The following FBXW4 variants were observed in gnomAD, a reference collection of about 807,000 sequenced individuals.
FBXW4 encodes F-box and WD repeat domain containing 4.
Under a neutral mutation model 61.8 loss-of-function variants are expected in FBXW4, and 40 were observed. The observed-to-expected ratio is 0.65, with a 90% CI of 0.50 to 0.84. The LOEUF is 0.84. Among genes scored for constraint, FBXW4 ranks in the 40% least tolerant of loss-of-function variants. The pLI, the probability that FBXW4 is intolerant of heterozygous loss-of-function variation, is 0.00. For missense variants in FBXW4, 672 were observed against 753.8 expected (o/e 0.89, Z 1.27); for synonymous variants, 311 against 313.8 (o/e 0.99, Z 0.10).
At chr10:101,691,255 T>G (rs1189768104) in intron 1 of FBXW4, among the ~76,000 whole-genome samples, 1 of 152,148 alleles carries the variant, frequency 6.6e-6, no homozygotes, top group Non-Finnish European at 1.5e-5. Flanking sequence ...CTGGGGTGCA[T>G]GCCTTCTCCC....
rs181901612 is a variant in FBXW4, at chr10:101,686,438, C to G, written c.725+7943G>C. On this transcript the variant is annotated intron_variant, in intron 1 of 8. Transcript: ENST00000331272. ...TCCCACAATACAACTTTTGGAAAGG[C>G]TGATCTAGTACTTTCTAAAAATGAA... Among the ~76,000 whole-genome samples the G allele has an allele frequency of 3.9e-5, 6 of 152,196 alleles. No individual in the cohort carries two copies. In the East Asian group the frequency reaches 7.7e-4, roughly 20 times the overall value.
intron 2 of FBXW4, 102 bp from the exon 3 acceptor site, chr10:101,673,775 A>T: frequency 9.1e-7 from 1 of 1,103,664 alleles, no homozygotes; most frequent in South Asian, 1.5e-5. Context: ...TAGTAAGGAT[A>T]ACCAACAAGG....
chr10:101,678,421 T>C (rs1178566858), intron 1 of FBXW4, among the ~76,000 whole-genome samples: 1 of 152,128 alleles, frequency 6.6e-6, no homozygotes, highest in Non-Finnish European at 1.5e-5. Context: ...TACACTAATT[T>C]CTTTTTTGTT....
At chr10:101,671,002 A>T (rs756376007) in intron 4 of FBXW4, among the ~76,000 whole-genome samples, 1 of 152,260 alleles carries the variant, frequency 6.6e-6, no homozygotes. Flanking sequence ...CCCCAAAAAT[A>T]GATGGTTACA....
chr10:101,630,382 G>A (rs1331653322), intron 5 of FBXW4, among the ~76,000 whole-genome samples: 1 of 152,198 alleles, frequency 6.6e-6, no homozygotes, highest in Non-Finnish European at 1.5e-5. Flanking sequence ...AAAGGTCACA[G>A]GCCTCATTGG....
Position 101,694,781 on chromosome 10 carries a change from C to T in FBXW4, c.325G>A (p.Gly109Arg). The T allele has an allele frequency of 1.5e-6, 2 of 1,344,684 alleles. No homozygotes were observed. The highest frequency in any genetic ancestry group is 1.9e-6 in the Non-Finnish European group (2 of 1,055,020). The allele number at this position is 1,344,684 out of a possible 1,614,324, so 83.3% of individuals were successfully genotyped here. A position where few individuals can be genotyped will look rare whatever the true frequency, so the allele number is the denominator to read the frequency against. ...VKGVEGSAGA[G>R]KEAQGREYGK... ...TACTCTCTTCCTTGTGCCTCCTTCCCGGCCCCTGCGCTCCCCTCGACTCCC... is the reference window on the plus strand; with the variant it reads ...TACTCTCTTCCTTGTGCCTCCTTCCTGGCCCCTGCGCTCCCCTCGACTCCC... The change falls in exon 1 of 9, where the codon GGG (glycine) becomes AGG (arginine). Residue 109 changes from glycine (G) to arginine (R), a missense_variant. Gly to Arg is a moderately radical substitution (Grantham distance 125, BLOSUM62 -2). Around this residue, in one of 5 missense-constraint regions of FBXW4, gnomAD observed 311 missense variants for 301.1 expected, o/e 1.03. Transcript: ENST00000331272. This position sits in a 1 kb window ranked among gnomAD's most constrained non-coding sequence, Gnocchi z 6.0.
chr10:101,682,351 T>TA lies in FBXW4; in HGVS notation c.726-5916dup, dbSNP rs550217795. ...TAAATCACTATAGAGCCACCTACAC[T>TA]ACCAGACTACTGCTGAGGACAGTAA... On this transcript the variant is annotated intron_variant, in intron 1 of 8. Coordinates refer to ENST00000331272, the MANE Select transcript of FBXW4 (RefSeq NM_022039.4). Among the ~76,000 whole-genome samples, 8 of 152,152 alleles carry TA rather than the reference T, an allele frequency of 5.3e-5. No homozygotes were observed. The South Asian group carries it at 1.7e-3, about 32-fold the overall frequency.
In FBXW4 at chr10:101,694,359, G is replaced by T. The variant is rs957203741; in HGVS notation, c.725+22C>A. Reference sequence around the variant, plus strand: ...GCGGGGCCGGCTCGGGGCGGGGAGCGGGCGGGCGAGCGGACGCTTACAGGT... The same window carrying T: ...GCGGGGCCGGCTCGGGGCGGGGAGCTGGCGGGCGAGCGGACGCTTACAGGT... On this transcript the variant is annotated intron_variant, in intron 1 of 8. Transcript: ENST00000331272. This position sits in a 1 kb window ranked among gnomAD's most constrained non-coding sequence, Gnocchi z 6.0. 7.4e-7 allele frequency: 1 copy of T among 1,355,096 alleles called. No individual in the cohort carries two copies. The highest frequency in any genetic ancestry group is 9.4e-7 in the Non-Finnish European group (1 of 1,061,280). 83.9% of individuals were successfully genotyped at this position (1,355,096 alleles called of 1,614,324 possible).
In FBXW4 at chr10:101,627,791, A is replaced by C. The variant is rs758089683; in HGVS notation, c.1236-2981T>G. Among the ~76,000 whole-genome samples, 43 of 152,292 alleles carry C rather than the reference A, an allele frequency of 2.8e-4. 1 individual carries two copies. The highest frequency in any genetic ancestry group is 6.8e-3 in the Middle Eastern group (2 of 294). Reference sequence around the variant, plus strand: ...ATGAAGCAAAGGCCAAGCTTCCATGAATGGACTTAAAATACTGTGGCTGCA... The same window carrying C: ...ATGAAGCAAAGGCCAAGCTTCCATGCATGGACTTAAAATACTGTGGCTGCA... On this transcript the variant is annotated intron_variant, in intron 5 of 8. Transcript: ENST00000331272.
In FBXW4 at chr10:101,611,441, G is replaced by A. The variant is rs781525062; in HGVS notation, c.1585-31C>T. On this transcript the variant is annotated intron_variant, in intron 8 of 8. Coordinates refer to ENST00000331272, the MANE Select transcript of FBXW4 (RefSeq NM_022039.4). The surrounding 1 kb of genome is among the most constrained non-coding windows in gnomAD (Gnocchi z 4.9). ...AGGGAGGGCACAGGAAGTGGTAAGAGCTTTCCAAGTGGGACATGGGTGTGC... is the reference window on the plus strand; with the variant it reads ...AGGGAGGGCACAGGAAGTGGTAAGAACTTTCCAAGTGGGACATGGGTGTGC... The A allele has an allele frequency of 1.2e-6, 2 of 1,606,878 alleles. No homozygotes were observed. Among genetic ancestry groups the A allele is most frequent in the African/African-American group, 1.3e-5 (1 of 74,970 alleles).
rs1044451690 is a variant in FBXW4, at chr10:101,624,097, C to G, written c.1301+648G>C. Among the ~76,000 whole-genome samples, 29 of 151,846 alleles carry G rather than the reference C, an allele frequency of 1.9e-4. No individual in the cohort carries two copies. In the East Asian group the frequency reaches 4.1e-3, roughly 21 times the overall value. The stretch of plus-strand genomic sequence containing the variant: ...ACACACATAGACACAGACAGACACA[C>G]ACACACACACACACACACACACAGA... On this transcript the variant is annotated intron_variant, in intron 6 of 8. Coordinates refer to ENST00000331272, the MANE Select transcript of FBXW4 (RefSeq NM_022039.4).
At position 101,611,907 on chromosome 10, in the gene FBXW4, A is replaced by G; in HGVS notation, c.1443-138T>C. ...AAGAGAAAGAAGCCTAAATCATCAG[A>G]TTCATCAAAAACCGAACTTCATGGG... On this transcript the variant is annotated intron_variant, in intron 7 of 8. Coordinates refer to ENST00000331272, the MANE Select transcript of FBXW4 (RefSeq NM_022039.4). The surrounding 1 kb of genome is among the most constrained non-coding windows in gnomAD (Gnocchi z 4.9). The G allele has an allele frequency of 9.0e-7, 1 of 1,110,698 alleles. No individual in the cohort carries two copies. 68.8% of individuals were successfully genotyped at this position (1,110,698 alleles called of 1,614,324 possible).
chr10:101,682,786 GAAGAAT>G (rs1457223415), intron 1 of FBXW4, among the ~76,000 whole-genome samples: 2 of 150,394 alleles, frequency 1.3e-5, no homozygotes, highest in Non-Finnish European at 3.0e-5. Context: ...CCTCTCCCAA[GAAGAAT>G]ATCATAATCA....
chr10:101,611,394 G>T lies in FBXW4; in HGVS notation c.1601C>A (p.Ser534Ter). Reference sequence around the variant, plus strand: ...GTACACAGGGCTGCTGAGGGGAGTCGACGTCAGCGGGAAGGCCTGGAAGGG... The same window carrying T: ...GTACACAGGGCTGCTGAGGGGAGTCTACGTCAGCGGGAAGGCCTGGAAGGG... ...RACLHAFPLTSTPLSSPVYCL... is the reference protein window; with the variant it reads ...RACLHAFPLT The change falls in exon 9 of 9, where the codon TCG becomes TAG. Residue 534 changes from serine to a stop codon, truncating the protein, a stop_gained. Transcript: ENST00000331272. LOFTEE classifies it high-confidence loss of function. This position sits in a 1 kb window ranked among gnomAD's most constrained non-coding sequence, Gnocchi z 4.9. The T allele has an allele frequency of 6.2e-7, 1 of 1,613,546 alleles. No individual in the cohort carries two copies. Among genetic ancestry groups the T allele is most frequent in the Non-Finnish European group, 8.5e-7 (1 of 1,179,820 alleles).
At chr10:101,632,247 C>T (rs778191235) in intron 5 of FBXW4, among the ~76,000 whole-genome samples, 46 of 152,138 alleles carry the variant, frequency 3.0e-4, no homozygotes, top group Non-Finnish European at 6.2e-4. Context: ...TCTCTCAACC[C>T]AAGTGCATCA....
intron 5 of FBXW4, among the ~76,000 whole-genome samples, chr10:101,664,825 A>T (rs528349327): frequency 6.6e-6 from 1 of 152,346 alleles, no homozygotes; most frequent in South Asian, 2.1e-4. Flanking sequence ...CTGTCTCAAT[A>T]TGCATAACAC....
chr10:101,649,398 T>C (rs1361227860), intron 5 of FBXW4, among the ~76,000 whole-genome samples: 1 of 151,914 alleles, frequency 6.6e-6, no homozygotes, highest in Non-Finnish European at 1.5e-5. Context: ...ACACATAAAC[T>C]CTGTTTCTCT....
intron 5 of FBXW4, chr10:101,626,046 T>C (rs2063905000): frequency 6.6e-6 from 1 of 152,242 alleles, no homozygotes; most frequent in Admixed American, 6.5e-5. Flanking sequence ...GCCAAACCAC[T>C]GATTTACAAT....
chr10:101,667,717 T>C (rs1489782329), intron 5 of FBXW4, among the ~76,000 whole-genome samples, 169 bp downstream of exon 5: 3 of 152,208 alleles, frequency 2.0e-5, no homozygotes, highest in Non-Finnish European at 4.4e-5. Context: ...CCCACGCATA[T>C]ATGAAGTGGC....
Sources: allele counts gnomAD v4.1 joint callset (sites outside exome capture counted in the v4.1 genomes callset), GRCh38; gene constraint gnomAD v4.1.1; regional missense constraint gnomAD v4.1.1; non-coding constraint Gnocchi (gnomAD v3.1); transcripts MANE v1.5; gene names NCBI Gene and HGNC (gene_info 2026-07-23, HGNC 2026-07-21).